The following ARSF variants were observed in gnomAD, a reference collection of about 807,000 sequenced individuals.
The protein encoded by ARSF is arylsulfatase F.
A neutral mutation model predicts 35.4 loss-of-function variants in ARSF; 33 were observed. The ratio of observed to expected loss-of-function variants is 0.93; its 90% CI spans 0.71 to 1.25. ARSF has a LOEUF of 1.25. Among genes scored for constraint, ARSF ranks in the 50% most tolerant of loss-of-function variants. The pLI is 0.00. For missense variants in ARSF, 501 were observed against 480.2 expected (o/e 1.04, Z -0.40); for synonymous variants, 222 against 193.1 (o/e 1.15, Z -1.24).
intron 9 of ARSF, among the ~76,000 whole-genome samples, chrX:3,106,466 G>A (rs2090412173): frequency 8.9e-6 from 1 of 111,738 alleles, no homozygotes; most frequent in African/African-American, 3.2e-5. Context: ...CACAGTATCA[G>A]GCTCACTGTC....
intron 8 of ARSF, among the ~76,000 whole-genome samples, chrX:3,101,430 A>G (rs1485327566): frequency 8.9e-6 from 1 of 111,987 alleles, no homozygotes; most frequent in Non-Finnish European, 1.9e-5. Context: ...CCATTTATGT[A>G]GAGGGAGCAT....
At chrX:3,062,929 A>G (rs1208193403) in intron 1 of ARSF, among the ~76,000 whole-genome samples, 2 of 112,064 alleles carry the variant, frequency 1.8e-5, no homozygotes, top group Non-Finnish European at 3.8e-5. Context: ...ATAGAAAAAG[A>G]GGGAATCCTC....
intron 8 of ARSF, among the ~76,000 whole-genome samples, chrX:3,103,195 G>A (rs191572935): frequency 9.0e-6 from 1 of 111,205 alleles, no homozygotes; most frequent in East Asian, 2.8e-4. Context: ...AGAAATCCTC[G>A]TCTTCATGGA....
chrX:3,061,817 C>T (rs1359243704), intron 1 of ARSF, among the ~76,000 whole-genome samples: 2 of 111,209 alleles, frequency 1.8e-5, no homozygotes, highest in Non-Finnish European at 3.8e-5. Flanking sequence ...CCTTAGAGAC[C>T]TACAAAGAGA....
intron 4 of ARSF, among the ~76,000 whole-genome samples, chrX:3,076,910 G>C (rs890935584): frequency 1.8e-5 from 2 of 111,776 alleles, no homozygotes; most frequent in African/African-American, 6.5e-5. Context: ...GTTGAGCATG[G>C]TGGCATGTGT....
chrX:3,052,250 C>T (rs1480862728), intron 1 of ARSF, among the ~76,000 whole-genome samples: 2 of 111,541 alleles, frequency 1.8e-5, no homozygotes, highest in African/African-American at 6.5e-5. Context: ...GTCTATGCCT[C>T]GCTGTATTTA....
chrX:3,101,845 A>G (rs1430100495), intron 8 of ARSF, among the ~76,000 whole-genome samples: 2 of 112,479 alleles, frequency 1.8e-5, no homozygotes, highest in African/African-American at 6.5e-5. Flanking sequence ...TAAAAAAAGA[A>G]AAAGAAAAAA....
At chrX:3,071,970 A>C (rs1465748132) in intron 2 of ARSF, 56 bp from the exon 3 acceptor site, 25 of 1,173,011 alleles carry the variant, frequency 2.1e-5, no homozygotes, top group Non-Finnish European at 2.9e-5. Flanking sequence ...TGGGAGGTGG[A>C]TCCTGAATCC....
chrX:3,058,437 CCAGAACTTCTGGGCCGAA>C (rs1431939966), intron 1 of ARSF: 3 of 226,452 alleles, frequency 1.3e-5, no homozygotes, highest in Non-Finnish European at 2.5e-5. Context: ...GCACCATAGC[CCAGAACTTCTGGGCCGAA>C]GCGATCCCCC....
In ARSF at chrX:3,084,509, T is replaced by C; in HGVS notation, c.673T>C (p.Phe225Leu). ...PWLLIFSMILFIFLLGYAWFS... is the reference protein window; with the variant it reads ...PWLLIFSMILLIFLLGYAWFS... Reference sequence around the variant, plus strand: ...GCTCCTGATCTTCTCCATGATTCTGTTTATTTTCCTCTTGGGCTATGCTTG... The same window carrying C: ...GCTCCTGATCTTCTCCATGATTCTGCTTATTTTCCTCTTGGGCTATGCTTG... The change falls in exon 6 of 11, where the codon TTT (phenylalanine) becomes CTT (leucine). Residue 225 changes from phenylalanine to leucine, a missense_variant. Physicochemically the swap from Phe to Leu is conservative, Grantham distance 22. Coordinates refer to ENST00000381127, the MANE Select transcript of ARSF (RefSeq NM_001201539.2). The C allele has an allele frequency of 8.3e-7, 1 of 1,211,443 alleles. No homozygotes were observed. Among genetic ancestry groups the C allele is most frequent in the Non-Finnish European group, 1.1e-6 (1 of 895,505 alleles).
chrX:3,090,277 C>T (rs1297432989), intron 7 of ARSF, among the ~76,000 whole-genome samples: 4 of 111,908 alleles, frequency 3.6e-5, no homozygotes, highest in Non-Finnish European at 5.6e-5. Flanking sequence ...CATTAAGTAA[C>T]ATAATATAGT....
chrX:3,112,022 C>T, intron 10 of ARSF, 152 bp from the exon 11 acceptor site: 1 of 450,927 alleles, frequency 2.2e-6, no homozygotes, highest in Non-Finnish European at 3.8e-6. Context: ...CAACCACTCA[C>T]CTCCTGTGTG....
In ARSF at chrX:3,110,118, G is replaced by A; in HGVS notation, c.1266-10G>A. ...CATTTTCCTTATCTGCACTGTCTGT[G>A]TCTCTGCAGGGTCATTGACGGCCGA... On this transcript the variant is annotated splice_polypyrimidine_tract_variant and intron_variant, in intron 9 of 10. Transcript: ENST00000381127. 1 of 1,168,966 alleles carries A rather than the reference G, an allele frequency of 8.6e-7. No individual in the cohort carries two copies. The highest frequency in any genetic ancestry group is 2.0e-5 in the South Asian group (1 of 49,493).
intron 9 of ARSF, among the ~76,000 whole-genome samples, chrX:3,107,384 AAAG>A (rs2146835651): frequency 9.0e-6 from 1 of 111,564 alleles, no homozygotes; most frequent in South Asian, 3.7e-4. Flanking sequence ...GTGGAGAAAA[AAAG>A]AAAAGAAAGA....
chrX:3,077,101 G>A (rs577014044), intron 4 of ARSF, among the ~76,000 whole-genome samples: 6 of 111,965 alleles, frequency 5.4e-5, no homozygotes, highest in East Asian at 2.8e-4. Context: ...TAGGTGCACT[G>A]GCACACACAG....
intron 1 of ARSF, among the ~76,000 whole-genome samples, chrX:3,055,467 G>T (rs2090014455): frequency 9.2e-6 from 1 of 108,988 alleles, no homozygotes; most frequent in Non-Finnish European, 1.9e-5. Context: ...TATCCCTCTT[G>T]TTCAAGTCAA....
At chrX:3,079,786 C>T (rs1158261055) in intron 4 of ARSF, among the ~76,000 whole-genome samples, 3 of 105,934 alleles carry the variant, frequency 2.8e-5, no homozygotes, top group Non-Finnish European at 3.9e-5. Flanking sequence ...ATGGTGAAAC[C>T]CCATCTCTAC....
At chrX:3,082,069 A>G (rs1352370725) in intron 5 of ARSF, among the ~76,000 whole-genome samples, 5 of 111,422 alleles carry the variant, frequency 4.5e-5, no homozygotes, top group Non-Finnish European at 7.5e-5. Flanking sequence ...TGGGGCCCTC[A>G]CCACATACAG....
chrX:3,066,767 T>C (rs1247230334), intron 1 of ARSF: 1 of 110,728 alleles, frequency 9.0e-6, no homozygotes, highest in Non-Finnish European at 1.9e-5. Context: ...ACGGAGCAGC[T>C]GATGCTTTCG....
Sources: allele counts gnomAD v4.1 joint callset (sites outside exome capture counted in the v4.1 genomes callset), GRCh38; gene constraint gnomAD v4.1.1; transcripts MANE v1.5; gene names NCBI Gene and HGNC (gene_info 2026-07-23, HGNC 2026-07-21).